Variants in PMS1 observed in about 807,000 individuals in gnomAD.
PMS1 encodes PMS1 protein homolog 1.
Under a neutral mutation model 93.1 loss-of-function variants are expected in PMS1, and 79 were observed. That is an observed-to-expected ratio of 0.85 (90% confidence interval 0.71 to 1.02). The LOEUF (loss-of-function observed/expected upper bound fraction) is 1.02, where lower values mean the gene tolerates loss of function less well. Ranked by LOEUF, PMS1 falls within the 50% of genes least tolerant of loss-of-function variation. The pLI is 0.00. For synonymous variants in PMS1, 335 were observed against 363.4 expected (o/e 0.92, Z 0.89); for missense variants, 1,064 against 1,085.3 (o/e 0.98, Z 0.28).
chr2:189,828,776 G>T (rs1340690911), intron 5 of PMS1, among the ~76,000 whole-genome samples: 1 of 151,462 alleles, frequency 6.6e-6, no homozygotes, highest in Non-Finnish European at 1.5e-5. Context: ...GCCATAAGTC[G>T]CAATGGTCAA....
intron 5 of PMS1, among the ~76,000 whole-genome samples, 198 bp downstream of exon 5, chr2:189,818,378 A>G (rs1429465024): frequency 2.0e-5 from 3 of 152,178 alleles, no homozygotes; most frequent in African/African-American, 7.2e-5. Flanking sequence ...CTTAAAATAA[A>G]GGAGACCTCA....
chr2:189,854,603 T>G lies in PMS1; in HGVS notation c.1331T>G (p.Val444Gly). 1.9e-6 allele frequency: 3 copies of G among 1,613,872 alleles called. No homozygotes were observed. The highest frequency in any genetic ancestry group is 2.5e-6 in the Non-Finnish European group (3 of 1,179,832). The change falls in exon 9 of 13, where the codon GTA (valine) becomes GGA (glycine). Residue 444 changes from valine to glycine, a missense_variant. Coordinates refer to ENST00000441310, the MANE Select transcript of PMS1 (RefSeq NM_000534.5). Reference protein sequence around the residue: ...NAFQDISMSNVSWENSQTEYS... With the variant: ...NAFQDISMSNGSWENSQTEYS... Reference sequence around the variant, plus strand: ...TTTCAGGACATTTCAATGAGTAATGTATCATGGGAGAACTCTCAGACGGAA... The same window carrying G: ...TTTCAGGACATTTCAATGAGTAATGGATCATGGGAGAACTCTCAGACGGAA...
At chr2:189,796,283 G>A (rs1037309964) in intron 3 of PMS1, among the ~76,000 whole-genome samples, 3 of 151,980 alleles carry the variant, frequency 2.0e-5, no homozygotes, top group Non-Finnish European at 4.4e-5. Context: ...GCTTGAACCC[G>A]GGAAACAGAG....
rs140854388 is a variant in PMS1, at chr2:189,854,968, C to G, written c.1696C>G (p.Leu566Val). 9 of 1,612,860 alleles carry G rather than the reference C, an allele frequency of 5.6e-6. No individual in the cohort carries two copies. Among genetic ancestry groups the G allele is most frequent in the Non-Finnish European group, 7.6e-6 (9 of 1,178,956 alleles). ...TGGAAAAGTTACAGCTTATGATTTA[C>G]TTAGCAATCGAGTAATCAAGAAACC... Reference protein sequence around the residue: ...KSGKVTAYDLLSNRVIKKPMS... With the variant: ...KSGKVTAYDLVSNRVIKKPMS... The change falls in exon 9 of 13, where the codon CTT (leucine) becomes GTT (valine). Residue 566 changes from leucine to valine, a missense_variant. By Grantham distance (32) the Leu-to-Val change is conservative (BLOSUM62 1). Transcript: ENST00000441310.
At chr2:189,841,323 G>C (rs554364124) in intron 5 of PMS1, among the ~76,000 whole-genome samples, 1 of 152,160 alleles carries the variant, frequency 6.6e-6, no homozygotes, top group Non-Finnish European at 1.5e-5. Context: ...TATCTGATTG[G>C]TATCAATACA....
rs764353574 is a variant in PMS1, at chr2:189,877,372, T to C, written c.2735T>C (p.Ile912Thr). 1 of 1,613,412 alleles carries C rather than the reference T, an allele frequency of 6.2e-7. No homozygotes were observed. The highest frequency in any genetic ancestry group is 1.7e-5 in the Admixed American group (1 of 60,026). Reference sequence around the variant, plus strand: ...ATGAAGCACCAGTTTGGAAATGAAATTAAAGAGTGTGTTCATGGTCGCCCA... The same window carrying C: ...ATGAAGCACCAGTTTGGAAATGAAACTAAAGAGTGTGTTCATGGTCGCCCA... ...YRMKHQFGNE[I>T]KECVHGRPFF... Residue 912 changes from isoleucine to threonine, a missense_variant, in exon 13 of 13, where the codon ATT becomes ACT. Transcript: ENST00000441310.
intron 2 of PMS1, among the ~76,000 whole-genome samples, chr2:189,795,162 C>T (rs1042766333): frequency 6.6e-6 from 1 of 152,034 alleles, no homozygotes; most frequent in African/African-American, 2.4e-5. Context: ...GTTTTCTCAG[C>T]AGTTTCCTGT....
At chr2:189,842,994 G>A (rs1408028525) in intron 5 of PMS1, among the ~76,000 whole-genome samples, 1 of 136,540 alleles carries the variant, frequency 7.3e-6, no homozygotes, top group East Asian at 2.0e-4. Flanking sequence ...ACACATATAT[G>A]TGTGTGTGTA....
intron 6 of PMS1, among the ~76,000 whole-genome samples, chr2:189,847,780 T>C (rs988155555): frequency 1.6e-4 from 24 of 152,222 alleles, no homozygotes; most frequent in African/African-American, 5.8e-4. Context: ...ATTCTGTTCC[T>C]GGAGTTGTGC....
chr2:189,789,629 T>G (rs900802553), intron 1 of PMS1, among the ~76,000 whole-genome samples: 17 of 152,340 alleles, frequency 1.1e-4, no homozygotes, highest in African/African-American at 3.4e-4. Flanking sequence ...TACTGAGTCT[T>G]TCTTTACATG....
chr2:189,876,551 T>C (rs988728762), intron 12 of PMS1, among the ~76,000 whole-genome samples: 19 of 152,292 alleles, frequency 1.2e-4, no homozygotes, highest in African/African-American at 4.3e-4. Flanking sequence ...GTTCTTTCTC[T>C]TCTGTCTGCG....
At chr2:189,826,636 T>A in intron 5 of PMS1, among the ~76,000 whole-genome samples, 1 of 152,202 alleles carries the variant, frequency 6.6e-6, no homozygotes, top group East Asian at 1.9e-4. Flanking sequence ...GTCTCTGAAG[T>A]CTTCCATTAT....
At position 189,791,919 on chromosome 2, in the gene PMS1, C is replaced by T. The variant is rs2106213330; in HGVS notation, c.110C>T (p.Ala37Val). Residue 37 changes from alanine (A) to valine (V), a missense_variant, in exon 2 of 13, where the codon GCC (alanine) becomes GTC (valine). By Grantham distance (64) the Ala-to-Val change is moderately conservative. Coordinates refer to ENST00000441310, the MANE Select transcript of PMS1 (RefSeq NM_000534.5). Reference sequence around the variant, plus strand: ...ATTGAAAACTCCTTGGATGCTGGTGCCACAAGCGTAGATGTTAAACTGGTG... The same window carrying T: ...ATTGAAAACTCCTTGGATGCTGGTGTCACAAGCGTAGATGTTAAACTGGTG... ...ELIENSLDAG[A>V]TSVDVKLENY... 1 of 1,613,794 alleles carries T rather than the reference C, an allele frequency of 6.2e-7. No homozygotes were observed. Among genetic ancestry groups the T allele is most frequent in the Non-Finnish European group, 8.5e-7 (1 of 1,179,700 alleles).
chr2:189,828,219 C>T lies in PMS1; in HGVS notation c.582+10039C>T, dbSNP rs558583197. Among the ~76,000 whole-genome samples the T allele has an allele frequency of 1.7e-3, 259 of 152,224 alleles. 1 individual carries two copies. Among genetic ancestry groups the T allele is most frequent in the African/African-American group, 5.6e-3 (231 of 41,526 alleles). On this transcript the variant is annotated intron_variant, in intron 5 of 12. Transcript: ENST00000441310. ...GATTACAGGCGTGAGCCACTGCGCC[C>T]GGCCCAGGAAGAATAAGTTCTTATA...
chr2:189,830,136 G>A (rs1192740214), intron 5 of PMS1, among the ~76,000 whole-genome samples: 2 of 152,270 alleles, frequency 1.3e-5, no homozygotes, highest in Non-Finnish European at 2.9e-5. Flanking sequence ...GGGCCGTATA[G>A]TTTCTCTTAC....
Position 189,854,350 on chromosome 2 carries a change from C to T in PMS1, c.1078C>T (p.Leu360Phe). ...KTDVSAADIV[L>F]SKTAETDVLF... ...AGATGTTTCCGCAGCTGACATCGTT[C>T]TTAGTAAAACAGCAGAAACAGATGT... The change falls in exon 9 of 13, where the codon CTT (leucine) becomes TTT (phenylalanine). Residue 360 changes from leucine (L) to phenylalanine (F), a missense_variant. By Grantham distance (22) the Leu-to-Phe change is conservative. Coordinates refer to ENST00000441310, the MANE Select transcript of PMS1 (RefSeq NM_000534.5). 1 of 1,600,164 alleles carries T rather than the reference C, an allele frequency of 6.2e-7. No individual in the cohort carries two copies. Among genetic ancestry groups the T allele is most frequent in the East Asian group, 2.2e-5 (1 of 44,600 alleles).
At position 189,838,339 on chromosome 2, in the gene PMS1, A is replaced by G. The variant is rs186606349; in HGVS notation, c.583-5625A>G. Among the ~76,000 whole-genome samples the G allele has an allele frequency of 5.2e-3, 783 of 151,054 alleles. 4 individuals are homozygous for G. The highest frequency in any genetic ancestry group is 8.2e-3 in the Non-Finnish European group (556 of 67,780). ...CTACTGGGGTTACTTTTCCCTAGGG[A>G]AAAAAAAATGTGTTTATTTGCTCAT... is the stretch of plus-strand genomic sequence containing the variant. On this transcript the variant is annotated intron_variant, in intron 5 of 12. Transcript: ENST00000441310.
In PMS1 at chr2:189,835,839, A is replaced by C. The variant is rs1379557035; in HGVS notation, c.583-8125A>C. Among the ~76,000 whole-genome samples the C allele has an allele frequency of 1.3e-4, 20 of 150,166 alleles. No individual in the cohort carries two copies. The Admixed American group carries it at 1.3e-3, about 10-fold the overall frequency. ...GCTAATCGGGAGGCTGAGGCAGGAG[A>C]ATCCTTGAGTCCAGGAGGCTGAGGC... On this transcript the variant is annotated intron_variant, in intron 5 of 12. Transcript: ENST00000441310.
rs149159173 is a variant in PMS1 at position 189,850,874 on chromosome 2, C to T, written c.700-1781C>T. On this transcript the variant is annotated intron_variant, in intron 6 of 12. Transcript: ENST00000441310. ...TGGAGTTGGTTATTGAAGTAGAAGCCTGCTTATACGGGATTAGAGATGAAG... is the reference window on the plus strand; with the variant it reads ...TGGAGTTGGTTATTGAAGTAGAAGCTTGCTTATACGGGATTAGAGATGAAG... Among the ~76,000 whole-genome samples, 1,115 of 152,174 alleles carry T rather than the reference C, an allele frequency of 7.3e-3. 6 individuals carry two copies. The highest frequency in any genetic ancestry group is 0.018 in the Admixed American group (270 of 15,280).
Sources: allele counts gnomAD v4.1 joint callset (sites outside exome capture counted in the v4.1 genomes callset), GRCh38; gene constraint gnomAD v4.1.1; transcripts MANE v1.5; gene names NCBI Gene and HGNC (gene_info 2026-07-23, HGNC 2026-07-21).